Variants in EBF1 observed in about 807,000 individuals in gnomAD.
EBF1 encodes the protein EBF transcription factor 1.
Under a neutral mutation model 68.4 loss-of-function variants are expected in EBF1, and 10 were observed. The ratio of observed to expected loss-of-function variants is 0.15; its 90% CI spans 0.09 to 0.25. EBF1 has a LOEUF of 0.25. Among genes scored for constraint, EBF1 ranks in the 10% least tolerant of loss-of-function variants. The probability of loss-of-function intolerance (pLI) is 1.00; values close to 1 mark genes in which losing one functional copy is unlikely to be tolerated. For missense variants in EBF1, 509 were observed against 794.4 expected, an observed-to-expected ratio of 0.64 and a Z score of 4.32; for synonymous variants, 298 against 299.8, an observed-to-expected ratio of 0.99 and a Z score of 0.06.
intron 6 of EBF1, chr5:158,986,860 T>G (rs974039824): frequency 6.6e-6 from 1 of 152,246 alleles, no homozygotes; most frequent in African/African-American, 2.4e-5. Flanking sequence ...TAACTTTGCA[T>G]GTGCACTTCC....
intron 6 of EBF1, among the ~76,000 whole-genome samples, chr5:158,903,660 G>A (rs1803934587): frequency 6.6e-6 from 1 of 152,102 alleles, no homozygotes; most frequent in Admixed American, 6.5e-5. Flanking sequence ...AATTTTCAAA[G>A]TGAATTCAGT....
chr5:158,921,089 T>G (rs964523161), intron 6 of EBF1, among the ~76,000 whole-genome samples: 3 of 152,330 alleles, frequency 2.0e-5, no homozygotes, highest in African/African-American at 7.2e-5. Flanking sequence ...AGCAAGCTAA[T>G]GCTGCACACG....
chr5:158,847,749 CCTT>C (rs1454206979), intron 6 of EBF1, among the ~76,000 whole-genome samples: 2 of 152,178 alleles, frequency 1.3e-5, no homozygotes, highest in African/African-American at 4.8e-5. Context: ...GTCCGTCTGT[CCTT>C]CTTGGAACTG....
intron 12 of EBF1, 144 bp downstream of exon 12, chr5:158,713,973 G>A: frequency 1.3e-6 from 1 of 759,802 alleles, no homozygotes; most frequent in Non-Finnish European, 2.2e-6. Context: ...GAATCATCTT[G>A]CAACATGTTA....
intron 6 of EBF1, among the ~76,000 whole-genome samples, chr5:158,991,660 A>T (rs1451629158): frequency 6.6e-6 from 1 of 152,254 alleles, no homozygotes; most frequent in African/African-American, 2.4e-5. Flanking sequence ...ATGCAAAAGC[A>T]AAAAATAAAC....
In EBF1 at chr5:159,099,401, C is replaced by T. The variant is rs1486752519; in HGVS notation, c.78G>A (p.Ala26=). The T allele has an allele frequency of 1.9e-6, 3 of 1,601,942 alleles. No homozygotes were observed. Among genetic ancestry groups the T allele is most frequent in the Non-Finnish European group, 2.6e-6 (3 of 1,174,376 alleles). The change falls in exon 1 of 16, where the codon GCG becomes GCA. Residue 26 remains alanine (A), a synonymous_variant. Coordinates refer to ENST00000313708, the MANE Select transcript of EBF1 (RefSeq NM_024007.5). ...KEEPLGSGMN[A]VRTWMQGAGV... ...CGGCGCCCTGCATCCACGTCCGCAC[C>T]GCGTTCATGCCGCTGCCCAGCGGCT...
intron 6 of EBF1, among the ~76,000 whole-genome samples, chr5:158,997,552 AT>A (rs1287596522): frequency 6.6e-6 from 1 of 152,182 alleles, no homozygotes; most frequent in East Asian, 1.9e-4. Context: ...ATTCTGCCAA[AT>A]CCAACTGACT....
chr5:158,888,205 T>C (rs1800424192), intron 6 of EBF1, among the ~76,000 whole-genome samples: 1 of 152,156 alleles, frequency 6.6e-6, no homozygotes, highest in African/African-American at 2.4e-5. Context: ...TTTTTCCTAG[T>C]TGGTGAAGAA....
rs1792266073 is a variant in EBF1 at position 158,849,794 on chromosome 5, C to G, written c.555-9684G>C. ...AATAGGCACTACTTTAATGAAATAA[C>G]AAACAACTGCATTGTAAAACTTCAA... On this transcript the variant is annotated intron_variant, in intron 6 of 15. Transcript: ENST00000313708. 2.0e-5 allele frequency among the ~76,000 whole-genome samples: 3 copies of G among 152,190 alleles called. No homozygotes were observed. In the South Asian group the frequency reaches 6.2e-4, roughly 32 times the overall value.
At chr5:158,830,869 G>A (rs73297971) in intron 7 of EBF1, among the ~76,000 whole-genome samples, 1,632 of 152,288 alleles carry the variant, frequency 0.011, 38 homozygotes, top group African/African-American at 0.038. Context: ...GAGTGGAACT[G>A]CTGGAGTAAA....
At chr5:158,770,337 CTCT>C (rs1487816070) in intron 10 of EBF1, among the ~76,000 whole-genome samples, 6 of 152,226 alleles carry the variant, frequency 3.9e-5, no homozygotes, top group Non-Finnish European at 5.9e-5. Context: ...GTCACCAAAT[CTCT>C]TTCCCAGACT....
intron 10 of EBF1, among the ~76,000 whole-genome samples, chr5:158,773,640 CA>C (rs1179252055): frequency 6.6e-6 from 1 of 151,996 alleles, no homozygotes; most frequent in Non-Finnish European, 1.5e-5. Context: ...AAAATTCTTA[CA>C]GAAAATATAA....
intron 1 of EBF1, among the ~76,000 whole-genome samples, chr5:159,098,677 T>G (rs1783084546): frequency 1.7e-5 from 2 of 117,218 alleles, no homozygotes; most frequent in Non-Finnish European, 3.5e-5. Context: ...GAGAAGGAAA[T>G]GAAAGAAAGA....
intron 6 of EBF1, among the ~76,000 whole-genome samples, chr5:158,846,933 G>C (rs1180267989): frequency 2.0e-5 from 3 of 152,204 alleles, no homozygotes; most frequent in African/African-American, 7.2e-5. Flanking sequence ...ATCCTGGAGG[G>C]AATTCTGCAC....
At chr5:158,974,707 T>C (rs1342204156) in intron 6 of EBF1, among the ~76,000 whole-genome samples, 1 of 152,210 alleles carries the variant, frequency 6.6e-6, no homozygotes, top group African/African-American at 2.4e-5. Flanking sequence ...CTATAATGGT[T>C]CCAAAGAGTA....
At chr5:158,839,945 T>G (rs999519518) in intron 7 of EBF1, 84 bp downstream of exon 7, 1 of 1,350,706 alleles carries the variant, frequency 7.4e-7, no homozygotes, top group Non-Finnish European at 1.1e-6. Flanking sequence ...GAAAAAAAGC[T>G]ACGTATCTTC....
intron 6 of EBF1, among the ~76,000 whole-genome samples, chr5:158,999,200 C>A (rs538899248): frequency 6.6e-6 from 1 of 152,170 alleles, no homozygotes; most frequent in Non-Finnish European, 1.5e-5. Flanking sequence ...CTGGCAATTC[C>A]TAAGAGTGTA....
intron 7 of EBF1, among the ~76,000 whole-genome samples, chr5:158,824,411 A>G (rs1018776774): frequency 1.3e-5 from 2 of 152,228 alleles, no homozygotes. Context: ...TTTAATTAGA[A>G]TCACCTCACT....
rs1303831749 is a variant in EBF1, at chr5:159,031,040, G to A, written c.554+42356C>T. On this transcript the variant is annotated intron_variant, in intron 6 of 15. Transcript: ENST00000313708. ...ATACAAAAAGTTAGCCAGATGCAGT[G>A]GTGTGTGCCTGTAATCCCAGCTACT... Among the ~76,000 whole-genome samples, 5 of 152,266 alleles carry A rather than the reference G, an allele frequency of 3.3e-5. No homozygotes were observed. The East Asian group carries it at 7.7e-4, about 24-fold the overall frequency.
Sources: gnomAD v4.1 joint callset for allele counts (sites outside exome capture counted in the v4.1 genomes callset) on GRCh38, gnomAD v4.1.1 for gene constraint, MANE v1.5 for transcripts, NCBI Gene and HGNC (gene_info 2026-07-23, HGNC 2026-07-21) for gene names.